The following ZC3H12B variants were observed in gnomAD, a reference collection of about 807,000 sequenced individuals.
The protein encoded by ZC3H12B is probable ribonuclease ZC3H12B.
A neutral mutation model predicts 43.9 loss-of-function variants in ZC3H12B; 7 were observed. That is an observed-to-expected ratio of 0.16 (90% CI 0.09 to 0.30). The LOEUF (loss-of-function observed/expected upper bound fraction) is 0.30, where lower values mean the gene tolerates loss of function less well. Ranked by LOEUF, ZC3H12B falls within the 10% of genes least tolerant of loss-of-function variation. The pLI is 1.00. For missense variants in ZC3H12B, 475 were observed against 670.2 expected, an observed-to-expected ratio of 0.71 and a Z score of 3.22; for synonymous variants, 222 against 241.7, an observed-to-expected ratio of 0.92 and a Z score of 0.76.
Position 65,441,681 on chromosome X carries a change from C to T in ZC3H12B, n.407+42977C>T, listed in dbSNP as rs184916233. Among the ~76,000 whole-genome samples the T allele has an allele frequency of 2.7e-5, 3 of 111,976 alleles. No individual in the cohort carries two copies. In the Admixed American group the frequency reaches 2.8e-4, roughly 11 times the overall value. On this transcript the variant is annotated intron_variant and non_coding_transcript_variant, in intron 3 of 5. Transcript: ENST00000617377. ...GTATGCCTTTTAAACTTGAACTAGA[C>T]CTTCCTAAAAGTAATCGCATTGTCC...
At chrX:65,108,846 T>C in the ZC3H12B span, among the ~76,000 whole-genome samples, 1 of 111,713 alleles carries the variant, frequency 9.0e-6, no homozygotes, top group Non-Finnish European at 1.9e-5. Flanking sequence ...TAATGTCTTA[T>C]GCTACAATGT....
chrX:65,440,528 T>C (rs988485564), intron 3 of ZC3H12B, among the ~76,000 whole-genome samples: 1 of 112,487 alleles, frequency 8.9e-6, no homozygotes, highest in Non-Finnish European at 1.9e-5. Context: ...TAAGAAGCTT[T>C]ACCATTACTA....
the ZC3H12B span, among the ~76,000 whole-genome samples, chrX:65,248,102 G>A: frequency 9.0e-6 from 1 of 110,855 alleles, no homozygotes; most frequent in Non-Finnish European, 1.9e-5. Flanking sequence ...GAGTGCAGTG[G>A]CGTGATCTCG....
chrX:65,487,305 C>A (rs1490715726), upstream of ZC3H12B, among the ~76,000 whole-genome samples: 3 of 112,502 alleles, frequency 2.7e-5, no homozygotes, highest in Non-Finnish European at 5.6e-5. Context: ...CTTTGGGAAG[C>A]CGAGGAGGGT....
At chrX:65,433,454 G>A (rs1484286023) in intron 3 of ZC3H12B, among the ~76,000 whole-genome samples, 1 of 111,808 alleles carries the variant, frequency 8.9e-6, no homozygotes, top group Non-Finnish European at 1.9e-5. Flanking sequence ...CTAATGTGGG[G>A]ATTCTGCTAG....
intron 3 of ZC3H12B, among the ~76,000 whole-genome samples, chrX:65,444,405 A>G (rs945091792): frequency 5.4e-5 from 6 of 110,863 alleles, no homozygotes; most frequent in South Asian, 7.4e-4. Context: ...ATTGTAGTGA[A>G]TAAGTCTCAC....
chrX:65,207,230 ATGTG>A, the ZC3H12B span, among the ~76,000 whole-genome samples: 30 of 103,304 alleles, frequency 2.9e-4, no homozygotes, highest in South Asian at 3.4e-3. Flanking sequence ...GAGCACATAT[ATGTG>A]TGTGTGTGTG....
intron 2 of ZC3H12B, among the ~76,000 whole-genome samples, chrX:65,383,313 T>C (rs1416430382): frequency 3.6e-5 from 4 of 111,704 alleles, no homozygotes; most frequent in Non-Finnish European, 7.5e-5. Flanking sequence ...TCTACAACTA[T>C]CTGATCTTTG....
At chrX:65,291,991 AAACT>A in the ZC3H12B span, among the ~76,000 whole-genome samples, 1 of 112,083 alleles carries the variant, frequency 8.9e-6, no homozygotes, top group African/African-American at 3.2e-5. Context: ...AATATGTATG[AAACT>A]AACAATAAGA....
the ZC3H12B span, among the ~76,000 whole-genome samples, chrX:65,164,943 A>G: frequency 8.9e-6 from 1 of 112,198 alleles, no homozygotes; most frequent in Non-Finnish European, 1.9e-5. Context: ...AAATAAAATC[A>G]ATCATACTAT....
the ZC3H12B span, among the ~76,000 whole-genome samples, chrX:65,131,697 T>C: frequency 6.3e-5 from 7 of 111,294 alleles, no homozygotes; most frequent in South Asian, 1.9e-3. Flanking sequence ...GGAAAGGAAT[T>C]GTTGTTTTGT....
chrX:65,232,819 A>G, the ZC3H12B span, among the ~76,000 whole-genome samples: 1 of 111,520 alleles, frequency 9.0e-6, no homozygotes, highest in African/African-American at 3.3e-5. Context: ...TGGAAAAAAA[A>G]AAGACTCGAC....
chrX:65,052,616 C>CT, the ZC3H12B span, among the ~76,000 whole-genome samples: 3 of 111,124 alleles, frequency 2.7e-5, no homozygotes, highest in South Asian at 7.6e-4. Flanking sequence ...GAATTTCATT[C>CT]TTTTTTGTGG....
chrX:65,408,361 C>A, intron 3 of ZC3H12B: 1 of 1,204,235 alleles, frequency 8.3e-7, no homozygotes, highest in Admixed American at 2.2e-5. Flanking sequence ...CACAAGTCAT[C>A]CCATTTCTGT....
the ZC3H12B span, among the ~76,000 whole-genome samples, chrX:65,201,845 G>T: frequency 2.8e-5 from 3 of 106,533 alleles, no homozygotes; most frequent in Non-Finnish European, 3.8e-5. Context: ...TTTTCTCCAT[G>T]CTGTTCTCGT....
the ZC3H12B span, among the ~76,000 whole-genome samples, chrX:65,290,310 T>C: frequency 9.0e-6 from 1 of 110,736 alleles, no homozygotes; most frequent in Non-Finnish European, 1.9e-5. Flanking sequence ...AGTGGCTATT[T>C]AAAAAAACAC....
the ZC3H12B span, among the ~76,000 whole-genome samples, chrX:65,274,476 C>T: frequency 9.1e-6 from 1 of 110,389 alleles, no homozygotes; most frequent in Non-Finnish European, 1.9e-5. Flanking sequence ...CTGTGTGGAG[C>T]CTGAGTCCAA....
chrX:65,114,026 T>TATATATATATA, the ZC3H12B span, among the ~76,000 whole-genome samples: 396 of 82,220 alleles, frequency 4.8e-3, no homozygotes, highest in Non-Finnish European at 7.0e-3. Flanking sequence ...TATATATATA[T>TATATATATATA]TCATCTTTAG....
At chrX:65,495,206 T>C (rs1339021262) in intron 1 of ZC3H12B, among the ~76,000 whole-genome samples, 1 of 112,509 alleles carries the variant, frequency 8.9e-6, no homozygotes, top group Non-Finnish European at 1.9e-5. Context: ...TGCTTTCAAC[T>C]TTCAGTTGAG....
Sources: gnomAD v4.1 joint callset for allele counts (sites outside exome capture counted in the v4.1 genomes callset) on GRCh38, gnomAD v4.1.1 for gene constraint, MANE v1.5 for transcripts, NCBI Gene and HGNC (gene_info 2026-07-23, HGNC 2026-07-21) for gene names.